Variants in CSMD1 observed in about 807,000 individuals in gnomAD.
The protein encoded by CSMD1 is CUB and sushi domain-containing protein 1.
Under a neutral mutation model 417.5 loss-of-function variants are expected in CSMD1, and 213 were observed. The ratio of observed to expected loss-of-function variants is 0.51; its 90% CI spans 0.46 to 0.57. The LOEUF is 0.57. Ranked by LOEUF, CSMD1 falls within the 20% of genes least tolerant of loss-of-function variation. The pLI is 0.00. For missense variants in CSMD1, 6,923 were observed against 4,529.7 expected, an observed-to-expected ratio of 1.53 and a Z score of -15.17; for synonymous variants, 2,862 against 1,736.8, an observed-to-expected ratio of 1.65 and a Z score of -16.11.
chr8:3,478,161 G>C (rs958633202), intron 11 of CSMD1, among the ~76,000 whole-genome samples: 1 of 152,188 alleles, frequency 6.6e-6, no homozygotes, highest in African/African-American at 2.4e-5. Context: ...ATCCATTACA[G>C]CCAGGTGGCA....
chr8:4,767,490 G>A (rs896116274), intron 1 of CSMD1, among the ~76,000 whole-genome samples: 2 of 152,084 alleles, frequency 1.3e-5, no homozygotes, highest in Non-Finnish European at 2.9e-5. Context: ...GCTGGCTGCT[G>A]GTCTACCTGC....
rs1797109930 is a variant in CSMD1 at position 4,287,230 on chromosome 8, C to T, written c.415+132723G>A. On this transcript the variant is annotated intron_variant, in intron 3 of 69. Transcript: ENST00000635120. ...CTAATTAGATATCTTGCCTCTATTT[C>T]CTGGCAAGTTCTAAAAGATTCCCCC... Among the ~76,000 whole-genome samples, 5 of 152,146 alleles carry T rather than the reference C, an allele frequency of 3.3e-5. No homozygotes were observed. The South Asian group carries it at 1.0e-3, about 32-fold the overall frequency.
intron 20 of CSMD1, among the ~76,000 whole-genome samples, chr8:3,363,070 G>C (rs567134320): frequency 1.1e-4 from 16 of 152,230 alleles, no homozygotes; most frequent in East Asian, 9.7e-4. Context: ...TCGGTTTCAG[G>C]GGTCTGGCCA....
chr8:4,693,834 G>A (rs1016490416), intron 1 of CSMD1, among the ~76,000 whole-genome samples: 1 of 25,218 alleles, frequency 4.0e-5, no homozygotes, highest in South Asian at 1.4e-3. Flanking sequence ...GCACCTCCAT[G>A]CCTGGCCAGG....
chr8:4,188,471 G>C (rs1584986455), intron 3 of CSMD1, among the ~76,000 whole-genome samples: 1 of 152,124 alleles, frequency 6.6e-6, no homozygotes, highest in African/African-American at 2.4e-5. Flanking sequence ...TTTTGGAAAA[G>C]GGTCCATCAA....
intron 5 of CSMD1, among the ~76,000 whole-genome samples, chr8:3,777,923 T>C (rs1052494601): frequency 4.6e-5 from 7 of 151,528 alleles, no homozygotes; most frequent in African/African-American, 1.5e-4. Context: ...ACCCGCAGCC[T>C]CCTTGAAGGG....
chr8:4,908,737 G>A (rs533003471), intron 1 of CSMD1, among the ~76,000 whole-genome samples: 30 of 18,330 alleles, frequency 1.6e-3, no homozygotes, highest in African/African-American at 4.0e-3. Context: ...TTATTTTCTA[G>A]TAATTCATTT....
At chr8:3,463,575 C>A (rs892771352) in intron 12 of CSMD1, among the ~76,000 whole-genome samples, 1 of 152,184 alleles carries the variant, frequency 6.6e-6, no homozygotes, top group Non-Finnish European at 1.5e-5. Flanking sequence ...GCTTCATGCT[C>A]ACAAGGACAG....
chr8:4,012,239 C>G (rs1046187313), intron 4 of CSMD1, among the ~76,000 whole-genome samples: 2 of 151,848 alleles, frequency 1.3e-5, no homozygotes, highest in Admixed American at 6.6e-5. Context: ...TTAGATACTA[C>G]TCTTCAGGCT....
chr8:3,118,360 G>C (rs772694030), intron 42 of CSMD1, 39 bp downstream of exon 42: 1 of 1,432,312 alleles, frequency 7.0e-7, no homozygotes, highest in African/African-American at 1.4e-5. Context: ...TTATGCCCAT[G>C]AAACATTAAA....
intron 6 of CSMD1, among the ~76,000 whole-genome samples, chr8:3,711,792 C>T (rs896627812): frequency 6.6e-6 from 1 of 152,110 alleles, no homozygotes; most frequent in Non-Finnish European, 1.5e-5. Context: ...TGAAGTTACT[C>T]AGGAGAGAGG....
intron 10 of CSMD1, among the ~76,000 whole-genome samples, chr8:3,543,617 T>C (rs1266593856): frequency 6.6e-6 from 1 of 150,810 alleles, no homozygotes; most frequent in African/African-American, 2.5e-5. Flanking sequence ...ATAAGTATAA[T>C]AATTTTCAGC....
chr8:4,899,239 T>G lies in CSMD1; in HGVS notation c.85+95093A>C, dbSNP rs73505855. Among the ~76,000 whole-genome samples the G allele has an allele frequency of 3.8e-3, 580 of 152,328 alleles. 2 individuals are homozygous for G. Among genetic ancestry groups the G allele is most frequent in the African/African-American group, 0.013 (558 of 41,574 alleles). ...TTGAAGCAAATACTTCAGAGAAGTT[T>G]TGGTTGAAATTGTAAGGTATTGCCA... On this transcript the variant is annotated intron_variant, in intron 1 of 69. Transcript: ENST00000635120.
chr8:3,950,018 G>T, intron 5 of CSMD1: 1 of 455,818 alleles, frequency 2.2e-6, no homozygotes, highest in Non-Finnish European at 4.4e-6. Context: ...AGGGTCCACG[G>T]CATTTCCTGT....
intron 5 of CSMD1, among the ~76,000 whole-genome samples, chr8:3,970,152 T>C (rs1429388678): frequency 3.3e-5 from 5 of 152,172 alleles, no homozygotes; most frequent in African/African-American, 1.2e-4. Flanking sequence ...AATCATTTTA[T>C]GTGACATTTG....
chr8:4,191,970 A>G (rs764128411), intron 3 of CSMD1, among the ~76,000 whole-genome samples: 5 of 152,214 alleles, frequency 3.3e-5, no homozygotes, highest in Admixed American at 6.5e-5. Context: ...AAACACCCGT[A>G]GAGGAACACG....
chr8:4,928,098 T>C (rs1306511813), intron 1 of CSMD1, among the ~76,000 whole-genome samples: 1 of 152,100 alleles, frequency 6.6e-6, no homozygotes, highest in East Asian at 1.9e-4. Flanking sequence ...TTCTTAGCCC[T>C]CATCCTCAGC....
intron 26 of CSMD1, among the ~76,000 whole-genome samples, chr8:3,234,247 G>C (rs1336759361): frequency 1.3e-5 from 2 of 152,066 alleles, no homozygotes; most frequent in African/African-American, 4.8e-5. Context: ...TTTTGTTGCA[G>C]GTTCAATGAC....
chr8:4,961,057 C>T (rs189449822), intron 1 of CSMD1, among the ~76,000 whole-genome samples: 1 of 152,080 alleles, frequency 6.6e-6, no homozygotes, highest in Admixed American at 6.6e-5. Flanking sequence ...ACGAAATAGT[C>T]ACTACACTTT....
Sources: gnomAD v4.1 joint callset for allele counts (sites outside exome capture counted in the v4.1 genomes callset) on GRCh38, gnomAD v4.1.1 for gene constraint, MANE v1.5 for transcripts, NCBI Gene and HGNC (gene_info 2026-07-23, HGNC 2026-07-21) for gene names.